The following SMOC1 variants were observed in gnomAD, a reference collection of about 807,000 sequenced individuals.
The protein encoded by SMOC1 is SPARC-related modular calcium-binding protein 1.
In SMOC1, 22 loss-of-function variants were observed where a neutral mutation model predicts 56.3. The ratio of observed to expected loss-of-function variants is 0.39; its 90% CI spans 0.28 to 0.56. The LOEUF (loss-of-function observed/expected upper bound fraction) is 0.56, where lower values mean the gene tolerates loss of function less well. Among genes scored for constraint, SMOC1 ranks in the 20% least tolerant of loss-of-function variants. The pLI is 0.61. For missense variants in SMOC1, 509 were observed against 565.4 expected (o/e 0.90, Z 1.01); for synonymous variants, 193 against 215.0 (o/e 0.90, Z 0.89).
At position 69,918,420 on chromosome 14, in the gene SMOC1, G is replaced by A. The variant is rs1884744542; in HGVS notation, c.100-33718G>A. On this transcript the variant is annotated intron_variant, in intron 1 of 11. Transcript: ENST00000361956. The stretch of plus-strand genomic sequence containing the variant: ...TTTTTCTATTTTTTGTAGAGACAGG[G>A]TTTCACCATGTTGCCCAGGCTGGTC... 4.6e-5 allele frequency among the ~76,000 whole-genome samples: 7 copies of A among 152,180 alleles called. No homozygotes were observed. The South Asian group carries it at 1.5e-3, about 32-fold the overall frequency.
chr14:69,881,942 A>C (rs1306781966), intron 1 of SMOC1, among the ~76,000 whole-genome samples: 1 of 152,198 alleles, frequency 6.6e-6, no homozygotes, highest in African/African-American at 2.4e-5. Flanking sequence ...ATATGGATTG[A>C]AAAGTTGTGT....
chr14:69,948,539 C>G (rs560216380), intron 1 of SMOC1, among the ~76,000 whole-genome samples: 1 of 152,058 alleles, frequency 6.6e-6, no homozygotes, highest in Non-Finnish European at 1.5e-5. Context: ...GTAGAGCAAT[C>G]CATTTTCAAA....
intron 10 of SMOC1, among the ~76,000 whole-genome samples, chr14:70,016,126 G>A (rs887550135): frequency 2.6e-5 from 4 of 152,174 alleles, no homozygotes; most frequent in East Asian, 1.9e-4. Flanking sequence ...GGGCTCTGCC[G>A]CAGGTGGGGG....
At chr14:69,952,391 G>C in intron 2 of SMOC1, 88 bp downstream of exon 2, 1 of 1,516,220 alleles carries the variant, frequency 6.6e-7, no homozygotes, top group Non-Finnish European at 9.1e-7. Context: ...GAAGCTTGGA[G>C]TAAGTCTGTC....
intron 5 of SMOC1, among the ~76,000 whole-genome samples, chr14:69,987,568 G>A (rs937016774): frequency 7.9e-5 from 12 of 152,154 alleles, no homozygotes; most frequent in South Asian, 2.1e-4. Flanking sequence ...CTGGCCCTGC[G>A]TCCCTGGACC....
Position 70,002,643 on chromosome 14 carries a change from T to A in SMOC1, c.665-8111T>A, listed in dbSNP as rs117241715. ...AAGTGGCACTGAGTGGTGTGCGTGATGGAAAGCCATGGTAGCAGGGCAGAG... is the reference window on the plus strand; with the variant it reads ...AAGTGGCACTGAGTGGTGTGCGTGAAGGAAAGCCATGGTAGCAGGGCAGAG... On this transcript the variant is annotated intron_variant, in intron 7 of 11. Coordinates refer to ENST00000361956, the MANE Select transcript of SMOC1 (RefSeq NM_001034852.3). Among the ~76,000 whole-genome samples, 33 of 152,268 alleles carry A rather than the reference T, an allele frequency of 2.2e-4. 1 individual carries two copies. The East Asian group carries it at 6.4e-3, about 29-fold the overall frequency.
chr14:69,989,724 C>A (rs1455822012), intron 5 of SMOC1, among the ~76,000 whole-genome samples: 1 of 152,174 alleles, frequency 6.6e-6, no homozygotes, highest in Non-Finnish European at 1.5e-5. Context: ...CATATAGAAA[C>A]CTTGTTCTCT....
rs140724881 is a variant in SMOC1 at position 69,899,895 on chromosome 14, C to G, written c.99+20118C>G. Reference sequence around the variant, plus strand: ...CTGTGGAGATTTCTGCCCTGGTAAGCTGTGATTCTCTGTATCTGCCTGTCT... The same window carrying G: ...CTGTGGAGATTTCTGCCCTGGTAAGGTGTGATTCTCTGTATCTGCCTGTCT... On this transcript the variant is annotated intron_variant, in intron 1 of 11. Transcript: ENST00000361956. Among the ~76,000 whole-genome samples the G allele has an allele frequency of 1.8e-4, 27 of 152,280 alleles. 1 individual carries two copies. In the East Asian group the frequency reaches 5.2e-3, roughly 29 times the overall value.
intron 3 of SMOC1, among the ~76,000 whole-genome samples, chr14:69,954,402 C>G (rs1883114651): frequency 6.6e-6 from 1 of 152,198 alleles, no homozygotes; most frequent in Admixed American, 6.5e-5. Context: ...GTCCTGGCCT[C>G]AAGTGATCCT....
At chr14:69,899,307 G>C (rs1884180197) in intron 1 of SMOC1, among the ~76,000 whole-genome samples, 1 of 152,138 alleles carries the variant, frequency 6.6e-6, no homozygotes, top group African/African-American at 2.4e-5. Flanking sequence ...GGTGGGGCCT[G>C]GTGGGAGGTG....
rs201281762 is a variant in SMOC1 at position 69,964,383 on chromosome 14, T to TC, written c.378+10851_378+10852insC. Among the ~76,000 whole-genome samples the TC allele has an allele frequency of 1.4e-3, 209 of 149,376 alleles. 2 individuals carry two copies. The highest frequency in any genetic ancestry group is 4.9e-3 in the African/African-American group (201 of 40,876). ...TTCAGTCACTCTCTCTGGTATTCTT[T>TC]TTTTTTTTTTTTGAGACAGAGTCTC... On this transcript the variant is annotated intron_variant, in intron 3 of 11. Coordinates refer to ENST00000361956, the MANE Select transcript of SMOC1 (RefSeq NM_001034852.3).
intron 1 of SMOC1, among the ~76,000 whole-genome samples, chr14:69,932,767 C>T (rs1270674924): frequency 6.6e-6 from 1 of 152,150 alleles, no homozygotes; most frequent in Admixed American, 6.5e-5. Flanking sequence ...TGACCACTTA[C>T]AGGAGCTGTG....
intron 1 of SMOC1, among the ~76,000 whole-genome samples, chr14:69,942,287 A>G (rs1478752660): frequency 6.6e-6 from 1 of 151,826 alleles, no homozygotes; most frequent in African/African-American, 2.4e-5. Flanking sequence ...GGTGGCTTGT[A>G]TTAAAGGGGG....
intron 7 of SMOC1, among the ~76,000 whole-genome samples, chr14:69,997,731 G>T (rs1255796681): frequency 6.6e-6 from 1 of 152,202 alleles, no homozygotes; most frequent in African/African-American, 2.4e-5. Flanking sequence ...TGAGAAGTCA[G>T]ATATACCTTA....
At chr14:69,949,225 C>T (rs965860974) in intron 1 of SMOC1, among the ~76,000 whole-genome samples, 6 of 152,110 alleles carry the variant, frequency 3.9e-5, no homozygotes, top group Admixed American at 1.3e-4. Flanking sequence ...TGGCTGAGGA[C>T]GGCAAGGCTG....
chr14:69,908,889 G>GGT (rs143641408), intron 1 of SMOC1, among the ~76,000 whole-genome samples: 6 of 151,728 alleles, frequency 4.0e-5, no homozygotes, highest in African/African-American at 9.7e-5. Flanking sequence ...GGGGTGTGGG[G>GGT]GTGTGTGTGT....
chr14:70,015,562 C>T (rs1017085566), intron 10 of SMOC1, among the ~76,000 whole-genome samples: 9 of 152,146 alleles, frequency 5.9e-5, no homozygotes, highest in Non-Finnish European at 1.2e-4. Context: ...CCCATGGTCC[C>T]GTGAGCTCTG....
At chr14:70,019,423 C>T (rs1436497718) in intron 10 of SMOC1, among the ~76,000 whole-genome samples, 2 of 152,170 alleles carry the variant, frequency 1.3e-5, no homozygotes, top group African/African-American at 2.4e-5. Context: ...TAGTACTTTA[C>T]CCATGGAGAA....
intron 1 of SMOC1, chr14:69,886,151 G>A (rs898296902): frequency 3.8e-5 from 51 of 1,349,246 alleles, no homozygotes; most frequent in African/African-American, 5.7e-5. Context: ...CTTGGGCAGC[G>A]GGAGGAGAGA....
Sources: gnomAD v4.1 joint callset for allele counts (sites outside exome capture counted in the v4.1 genomes callset) on GRCh38, gnomAD v4.1.1 for gene constraint, MANE v1.5 for transcripts, NCBI Gene and HGNC (gene_info 2026-07-23, HGNC 2026-07-21) for gene names.